Variants in PDZRN4 observed in about 807,000 individuals in gnomAD.
PDZRN4 encodes PDZ domain containing ring finger 4.
A neutral mutation model predicts 99.0 loss-of-function variants in PDZRN4; 70 were observed. The ratio of observed to expected loss-of-function variants is 0.71; its 90% CI spans 0.58 to 0.86. The LOEUF is 0.86. PDZRN4 is among the 40% of genes least tolerant of loss of function. The pLI, the probability that PDZRN4 is intolerant of heterozygous loss-of-function variation, is 0.00. For missense variants in PDZRN4, 1,474 were observed against 1,331.2 expected, an observed-to-expected ratio of 1.11 and a Z score of -1.67; for synonymous variants, 551 against 501.6, an observed-to-expected ratio of 1.10 and a Z score of -1.32.
chr12:41,202,038 G>A (rs1950819809), intron 3 of PDZRN4, among the ~76,000 whole-genome samples: 1 of 152,118 alleles, frequency 6.6e-6, no homozygotes, highest in East Asian at 1.9e-4. Context: ...TGCAGAGAAT[G>A]GCACTGGACC....
chr12:41,474,427 C>T (rs1224474120), intron 3 of PDZRN4, among the ~76,000 whole-genome samples: 1 of 152,182 alleles, frequency 6.6e-6, no homozygotes, highest in Non-Finnish European at 1.5e-5. Context: ...ACACAACAAC[C>T]CAATGAGTGT....
chr12:41,358,741 C>T (rs1350430889), intron 3 of PDZRN4, among the ~76,000 whole-genome samples: 1 of 151,946 alleles, frequency 6.6e-6, no homozygotes, highest in East Asian at 1.9e-4. Context: ...AAGCACAGAG[C>T]CATGGATGAC....
intron 3 of PDZRN4, among the ~76,000 whole-genome samples, chr12:41,248,231 G>A (rs763704328): frequency 6.6e-6 from 1 of 152,102 alleles, no homozygotes; most frequent in Admixed American, 6.6e-5. Flanking sequence ...AGTACTTTTA[G>A]AGTCATACAG....
intron 3 of PDZRN4, among the ~76,000 whole-genome samples, chr12:41,444,939 A>G (rs1305699557): frequency 6.6e-6 from 1 of 152,050 alleles, no homozygotes; most frequent in Non-Finnish European, 1.5e-5. Flanking sequence ...ACCTTTTATA[A>G]AAATAAATAT....
chr12:41,528,052 T>G (rs1460500577), intron 5 of PDZRN4, among the ~76,000 whole-genome samples: 1 of 152,230 alleles, frequency 6.6e-6, no homozygotes, highest in Non-Finnish European at 1.5e-5. Flanking sequence ...CAATTCTCTG[T>G]AGCCATTTAG....
At chr12:41,525,574 AAT>A (rs1476641621) in intron 5 of PDZRN4, among the ~76,000 whole-genome samples, 1 of 152,180 alleles carries the variant, frequency 6.6e-6, no homozygotes, top group African/African-American at 2.4e-5. Context: ...TAAATGATGG[AAT>A]ATAGATATGT....
At chr12:41,265,625 G>A (rs1951270554) in intron 3 of PDZRN4, among the ~76,000 whole-genome samples, 2 of 152,200 alleles carry the variant, frequency 1.3e-5, no homozygotes, top group Admixed American at 6.5e-5. Context: ...GTCCTCAGTT[G>A]TTTCTTAGCA....
At chr12:41,302,522 T>C (rs1256398345) in intron 3 of PDZRN4, among the ~76,000 whole-genome samples, 1 of 152,166 alleles carries the variant, frequency 6.6e-6, no homozygotes, top group Non-Finnish European at 1.5e-5. Context: ...AAGGATACTA[T>C]TGAGAACCAC....
At chr12:41,521,218 T>C (rs1481449399) in intron 5 of PDZRN4, among the ~76,000 whole-genome samples, 1 of 152,142 alleles carries the variant, frequency 6.6e-6, no homozygotes, top group Non-Finnish European at 1.5e-5. Context: ...ATTTCAATAG[T>C]AGCAAAATGT....
chr12:41,277,072 T>C, intron 3 of PDZRN4, among the ~76,000 whole-genome samples: 1 of 152,208 alleles, frequency 6.6e-6, no homozygotes, highest in East Asian at 1.9e-4. Flanking sequence ...TAAAAGAGAT[T>C]CACTTCTAGC....
chr12:41,278,745 C>G (rs1456598920), intron 3 of PDZRN4, among the ~76,000 whole-genome samples: 2 of 152,306 alleles, frequency 1.3e-5, no homozygotes, highest in East Asian at 3.9e-4. Flanking sequence ...TGCTACATCA[C>G]AACAACTGTT....
At chr12:41,349,180 A>C (rs1230708013) in intron 3 of PDZRN4, among the ~76,000 whole-genome samples, 1 of 151,918 alleles carries the variant, frequency 6.6e-6, no homozygotes, top group African/African-American at 2.4e-5. Flanking sequence ...TACCCTTTTA[A>C]CTGTGTAAAG....
At chr12:41,329,318 A>G (rs11180828) in intron 3 of PDZRN4, among the ~76,000 whole-genome samples, 20,896 of 152,094 alleles carry the variant, frequency 0.14, 1,569 homozygotes, top group African/African-American at 0.19. Flanking sequence ...TTCCATGGCT[A>G]AAACTAACTT....
intron 5 of PDZRN4, among the ~76,000 whole-genome samples, chr12:41,535,977 T>C (rs74077823): frequency 0.014 from 2,098 of 152,320 alleles, 26 homozygotes; most frequent in East Asian, 0.044. Context: ...GGAGGGGTCC[T>C]GTGTGTTTCT....
intron 3 of PDZRN4, among the ~76,000 whole-genome samples, chr12:41,291,739 T>C (rs562259246): frequency 6.6e-6 from 1 of 152,120 alleles, no homozygotes; most frequent in Non-Finnish European, 1.5e-5. Context: ...AATAAGATTA[T>C]GAAGGAAATA....
At chr12:41,344,811 G>T (rs1201125282) in intron 3 of PDZRN4, among the ~76,000 whole-genome samples, 5 of 148,956 alleles carry the variant, frequency 3.4e-5, no homozygotes, top group African/African-American at 1.2e-4. Flanking sequence ...TATCGATAGG[G>T]ATATAATTTT....
At chr12:41,494,875 C>G (rs1228524202) in intron 3 of PDZRN4, among the ~76,000 whole-genome samples, 1 of 152,138 alleles carries the variant, frequency 6.6e-6, no homozygotes, top group African/African-American at 2.4e-5. Context: ...TCCTAGGAAA[C>G]TGGTTGCTTG....
At chr12:41,545,213 GC>G (rs940123508) in intron 5 of PDZRN4, among the ~76,000 whole-genome samples, 5 of 152,052 alleles carry the variant, frequency 3.3e-5, no homozygotes, top group Non-Finnish European at 7.4e-5. Context: ...TCTGGCCTTT[GC>G]CTACCTCTGC....
chr12:41,244,546 C>T (rs905063165), intron 3 of PDZRN4, among the ~76,000 whole-genome samples: 12 of 152,168 alleles, frequency 7.9e-5, no homozygotes, highest in Non-Finnish European at 1.5e-4. Flanking sequence ...CCTTTGCTTA[C>T]TCCACCCTTG....
Sources: gnomAD v4.1 joint callset for allele counts (sites outside exome capture counted in the v4.1 genomes callset) on GRCh38, gnomAD v4.1.1 for gene constraint, MANE v1.5 for transcripts, NCBI Gene and HGNC (gene_info 2026-07-23, HGNC 2026-07-21) for gene names.